Variants in ZNF827 observed in about 807,000 individuals in gnomAD.
The protein encoded by ZNF827 is zinc finger protein 827.
ZNF827 carries 13 observed loss-of-function variants against 102.4 expected under a neutral mutation model. The observed-to-expected ratio is 0.13, with a 90% confidence interval of 0.08 to 0.20. The LOEUF is 0.20. Among genes scored for constraint, ZNF827 ranks in the 10% least tolerant of loss-of-function variants. ZNF827 has a pLI of 1.00. For synonymous variants in ZNF827, 523 were observed against 536.2 expected, an observed-to-expected ratio of 0.98 and a Z score of 0.34; for missense variants, 1,103 against 1,344.4, an observed-to-expected ratio of 0.82 and a Z score of 2.81.
rs749405341 is a variant in ZNF827 at position 145,760,986 on chromosome 4, C to T, written c.*630G>A. 65 of 1,253,540 alleles carry T rather than the reference C, an allele frequency of 5.2e-5. No homozygotes were observed. Among genetic ancestry groups the T allele is most frequent in the Admixed American group, 7.9e-5 (3 of 37,828 alleles). The allele number at this position is 1,253,540 out of a possible 1,614,324, so 77.7% of individuals were successfully genotyped here. ...AGCGCAAAGGGGAGCCGTTGAAGGC[C>T]AAAGCCTTGAGTGCCAGGTTGGGCT... On this transcript the variant is annotated 3_prime_UTR_variant, in exon 15 of 15. Coordinates refer to ENST00000508784, the MANE Select transcript of ZNF827 (RefSeq NM_001306215.2).
intron 8 of ZNF827, among the ~76,000 whole-genome samples, chr4:145,804,057 TTC>T: frequency 6.6e-6 from 1 of 152,342 alleles, no homozygotes; most frequent in East Asian, 1.9e-4. Context: ...CGGTGGAAAT[TTC>T]TATTAAAAAC....
chr4:145,856,985 G>GCACACACA (rs70956877), intron 5 of ZNF827, among the ~76,000 whole-genome samples: 5 of 140,030 alleles, frequency 3.6e-5, no homozygotes, highest in African/African-American at 1.1e-4. Flanking sequence ...GCACGCGCAC[G>GCACACACA]CACACACACA....
intron 5 of ZNF827, among the ~76,000 whole-genome samples, chr4:145,866,859 C>T (rs1176651316): frequency 6.6e-6 from 1 of 152,166 alleles, no homozygotes; most frequent in Non-Finnish European, 1.5e-5. Flanking sequence ...AAAACAGAGA[C>T]AAAACAGACA....
At chr4:145,925,692 T>G (rs990813902) in intron 1 of ZNF827, among the ~76,000 whole-genome samples, 1 of 152,194 alleles carries the variant, frequency 6.6e-6, no homozygotes, top group Non-Finnish European at 1.5e-5. Context: ...CAATTCAGTA[T>G]AGTGAAAGAC....
chr4:145,807,105 G>A (rs897556525), intron 8 of ZNF827, among the ~76,000 whole-genome samples: 1 of 151,944 alleles, frequency 6.6e-6, no homozygotes, highest in East Asian at 1.9e-4. Context: ...TAACTTTAAC[G>A]TTTCTGAAAT....
chr4:145,901,600 AAGAAATTGTAGG>A, intron 2 of ZNF827, among the ~76,000 whole-genome samples: 1 of 152,358 alleles, frequency 6.6e-6, no homozygotes, highest in South Asian at 2.1e-4. Context: ...CTTATAGGAC[AAGAAATTGTAGG>A]AGAATAGGAT....
chr4:145,898,070 G>A (rs941150864), intron 2 of ZNF827, among the ~76,000 whole-genome samples: 1 of 152,136 alleles, frequency 6.6e-6, no homozygotes, highest in Non-Finnish European at 1.5e-5. Context: ...CACAAGAATT[G>A]CTTGAACCCG....
intron 11 of ZNF827, among the ~76,000 whole-genome samples, chr4:145,768,783 A>G (rs1176816358): frequency 7.4e-6 from 1 of 134,378 alleles, no homozygotes; most frequent in African/African-American, 2.8e-5. Context: ...GCTTGAACCC[A>G]TGGAGGCGGA....
Position 145,823,415 on chromosome 4 carries a change from T to G in ZNF827, c.2383+7A>C. On this transcript the variant is annotated splice_region_variant and intron_variant, in intron 8 of 14. Transcript: ENST00000508784. ...CAGTAGAAGCAAAGCCAACAATGTTTCCATACCTGGAGCTGATATTCTTCC... is the reference window on the plus strand; with the variant it reads ...CAGTAGAAGCAAAGCCAACAATGTTGCCATACCTGGAGCTGATATTCTTCC... 1 of 1,611,724 alleles carries G rather than the reference T, an allele frequency of 6.2e-7. No individual in the cohort carries two copies.
At chr4:145,911,227 CG>C (rs1474723597) in intron 1 of ZNF827, among the ~76,000 whole-genome samples, 1 of 152,092 alleles carries the variant, frequency 6.6e-6, no homozygotes, top group African/African-American at 2.4e-5. Context: ...TTAAAGTCGC[CG>C]CCCCCTCTAA....
intron 13 of ZNF827, among the ~76,000 whole-genome samples, chr4:145,764,301 T>G (rs1734952240): frequency 6.6e-6 from 1 of 152,168 alleles, no homozygotes; most frequent in Non-Finnish European, 1.5e-5. Flanking sequence ...ATACATTTCT[T>G]GAGGGTGGAA....
chr4:145,803,290 CCAAAA>C (rs1434543563), intron 8 of ZNF827, among the ~76,000 whole-genome samples: 2 of 152,056 alleles, frequency 1.3e-5, no homozygotes, highest in African/African-American at 4.8e-5. Flanking sequence ...TCTATTAAAA[CCAAAA>C]CAAAACAATG....
chr4:145,865,295 A>C (rs1002368295), intron 5 of ZNF827, among the ~76,000 whole-genome samples: 1 of 152,236 alleles, frequency 6.6e-6, no homozygotes, highest in Non-Finnish European at 1.5e-5. Context: ...ATCTTCACTG[A>C]AGAGAGATGG....
In ZNF827 at chr4:145,902,534, G is replaced by A. The variant is rs1397569764; in HGVS notation, c.725C>T (p.Ser242Phe). The A allele has an allele frequency of 6.2e-7, 1 of 1,614,144 alleles. No individual in the cohort carries two copies. Among genetic ancestry groups the A allele is most frequent in the East Asian group, 2.2e-5 (1 of 44,882 alleles). ...EETMRFESFSSPFSSQSASST... is the reference protein window; with the variant it reads ...EETMRFESFSFPFSSQSASST... Reference sequence around the variant, plus strand: ...ACTGGCAGACTGGGAGCTAAAAGGGGAGGAAAAGGACTCAAATCGCATGGT... The same window carrying A: ...ACTGGCAGACTGGGAGCTAAAAGGGAAGGAAAAGGACTCAAATCGCATGGT... The change falls in exon 2 of 15, where the codon TCC becomes TTC. Residue 242 changes from serine (S) to phenylalanine (F), a missense_variant. This residue lies in a region of ZNF827 where 441 missense variants were observed against 458.6 expected (regional missense o/e 0.96). Transcript: ENST00000508784. The surrounding 1 kb of genome is among the most constrained non-coding windows in gnomAD (Gnocchi z 4.3).
At chr4:145,910,860 T>C (rs1293017981) in intron 1 of ZNF827, among the ~76,000 whole-genome samples, 1 of 152,218 alleles carries the variant, frequency 6.6e-6, no homozygotes, top group Non-Finnish European at 1.5e-5. Flanking sequence ...ACATGCTTAA[T>C]TCCCCTAATT....
At chr4:145,810,237 T>C (rs1741874956) in intron 8 of ZNF827, among the ~76,000 whole-genome samples, 1 of 152,208 alleles carries the variant, frequency 6.6e-6, no homozygotes, top group Admixed American at 6.5e-5. Flanking sequence ...TATGAAAAAC[T>C]CATTTAACTC....
At chr4:145,916,321 T>G (rs564271232) in intron 1 of ZNF827, among the ~76,000 whole-genome samples, 19 of 152,184 alleles carry the variant, frequency 1.2e-4, no homozygotes, top group Non-Finnish European at 2.2e-4. Flanking sequence ...CACATGAACA[T>G]AGCCAAGATT....
chr4:145,929,458 T>TA (rs1240757758), intron 1 of ZNF827, among the ~76,000 whole-genome samples: 1 of 152,222 alleles, frequency 6.6e-6, no homozygotes, highest in African/African-American at 2.4e-5. Flanking sequence ...TTATAATGCA[T>TA]ATGATTATTA....
chr4:145,865,818 T>C (rs1307148684), intron 5 of ZNF827, among the ~76,000 whole-genome samples: 1 of 152,186 alleles, frequency 6.6e-6, no homozygotes, highest in Admixed American at 6.5e-5. Context: ...ACATGGCTAA[T>C]GGCAGCAGCC....
Sources: allele counts gnomAD v4.1 joint callset (sites outside exome capture counted in the v4.1 genomes callset), GRCh38; gene constraint gnomAD v4.1.1; regional missense constraint gnomAD v4.1.1; non-coding constraint Gnocchi (gnomAD v3.1); transcripts MANE v1.5; gene names NCBI Gene and HGNC (gene_info 2026-07-23, HGNC 2026-07-21).